Variants in NEIL3 observed in about 807,000 individuals in gnomAD.
NEIL3 encodes nei like DNA glycosylase 3.
Under a neutral mutation model 57.5 loss-of-function variants are expected in NEIL3, and 48 were observed. That is an observed-to-expected ratio of 0.83 (90% confidence interval 0.66 to 1.06). The LOEUF (loss-of-function observed/expected upper bound fraction) is 1.06, where lower values mean the gene tolerates loss of function less well. NEIL3 is among the 50% of genes least tolerant of loss of function. The pLI, the probability that NEIL3 is intolerant of heterozygous loss-of-function variation, is 0.00. For missense variants in NEIL3, 717 were observed against 739.1 expected, an observed-to-expected ratio of 0.97 and a Z score of 0.35; for synonymous variants, 261 against 253.2, an observed-to-expected ratio of 1.03 and a Z score of -0.29.
At chr4:177,310,353 A>G (rs1337141639) in intron 1 of NEIL3, among the ~76,000 whole-genome samples, 1 of 152,228 alleles carries the variant, frequency 6.6e-6, no homozygotes, top group Non-Finnish European at 1.5e-5. Flanking sequence ...AGGGGAATCC[A>G]GTGAAGGTGT....
chr4:177,337,414 C>A (rs1385841282), intron 4 of NEIL3, among the ~76,000 whole-genome samples: 1 of 151,936 alleles, frequency 6.6e-6, no homozygotes, highest in African/African-American at 2.4e-5. Context: ...ATACCCAAAT[C>A]AGTAGGAATG....
intron 4 of NEIL3, among the ~76,000 whole-genome samples, chr4:177,339,464 AC>A (rs1191837790): frequency 6.6e-6 from 1 of 152,166 alleles, no homozygotes; most frequent in Non-Finnish European, 1.5e-5. Context: ...CTCTAAAAAA[AC>A]AGAAGAATAT....
Position 177,310,057 on chromosome 4 carries a change from T to C in NEIL3, c.104T>C (p.Leu35Pro). The change falls in exon 1 of 10, where the codon CTG becomes CCG. Residue 35 changes from leucine (L) to proline (P), a missense_variant. By Grantham distance (98) the Leu-to-Pro change is moderately conservative. Transcript: ENST00000264596. Reference sequence around the variant, plus strand: ...GTGCGGGGAAGCGCTCTGCGGAGTCTGCAGGGCCGCGCCTTGCGGCTCGCA... The same window carrying C: ...GTGCGGGGAAGCGCTCTGCGGAGTCCGCAGGGCCGCGCCTTGCGGCTCGCA... ...TGVRGSALRS[L>P]QGRALRLAAS... 6.2e-7 allele frequency: 1 copy of C among 1,604,194 alleles called. No homozygotes were observed. The highest frequency in any genetic ancestry group is 8.5e-7 in the Non-Finnish European group (1 of 1,176,116).
chr4:177,337,093 C>CA (rs3840269), intron 4 of NEIL3, among the ~76,000 whole-genome samples: 433 of 126,932 alleles, frequency 3.4e-3, no homozygotes, highest in African/African-American at 5.2e-3. Context: ...TTATATGTTG[C>CA]AAAAAAAAAA....
At position 177,362,338 on chromosome 4, in the gene NEIL3, T is replaced by C. The variant is rs144244076; in HGVS notation, c.1685T>C (p.Met562Thr). Residue 562 changes from methionine (M) to threonine (T), a missense_variant, in exon 10 of 10, where the codon ATG (methionine) becomes ACG (threonine). Transcript: ENST00000264596. ...TGCAACCATGGCAAGCGTTCCACCA[T>C]GAAAACAGTATTGAAGATTGGACCT... ...PFCNHGKRST[M>T]KTVLKIGPNN... 9.5e-5 allele frequency: 154 copies of C among 1,612,744 alleles called. 1 individual carries two copies. Among genetic ancestry groups the C allele is most frequent in the South Asian group, 1.1e-4 (10 of 90,696 alleles).
At position 177,329,773 on chromosome 4, in the gene NEIL3, G is replaced by A. The variant is rs1388294517; in HGVS notation, c.279-5915G>A. Among the ~76,000 whole-genome samples, 4 of 152,164 alleles carry A rather than the reference G, an allele frequency of 2.6e-5. No individual in the cohort carries two copies. In the East Asian group the frequency reaches 7.7e-4, roughly 29 times the overall value. On this transcript the variant is annotated intron_variant, in intron 2 of 9. Coordinates refer to ENST00000264596, the MANE Select transcript of NEIL3 (RefSeq NM_018248.3). ...AACAACACATGCTTTTCAAGTGCAT[G>A]TGGAACACTTAGCAAGATTGACCAG...
At chr4:177,345,865 A>AT (rs1260745498) in intron 6 of NEIL3, among the ~76,000 whole-genome samples, 1 of 150,242 alleles carries the variant, frequency 6.7e-6, no homozygotes, top group Non-Finnish European at 1.5e-5. Context: ...AATTTTTTGT[A>AT]TTTTCAGTAG....
intron 1 of NEIL3, among the ~76,000 whole-genome samples, chr4:177,319,181 G>A (rs1734629140): frequency 6.6e-6 from 1 of 152,200 alleles, no homozygotes; most frequent in South Asian, 2.1e-4. Flanking sequence ...TGTTGTGACA[G>A]CACTGTCTAT....
At chr4:177,353,957 G>C (rs1239848604) in intron 8 of NEIL3, 2 of 441,740 alleles carry the variant, frequency 4.5e-6, no homozygotes, top group Non-Finnish European at 4.0e-6. Flanking sequence ...GTAGAGACGG[G>C]GTTTCACCAT....
In NEIL3 at chr4:177,335,817, A is replaced by G. The variant is rs754266076; in HGVS notation, c.408A>G (p.Glu136=). ...DLICFFDSSV[E]LRNSMESQQR... is the part of the protein sequence containing the mutation. ...TTTGTTTCTTTGACTCATCAGTAGA[A>G]CTCAGGTAAAAAAAATTAAATAAAA... Residue 136 remains glutamate, a synonymous_variant, in exon 3 of 10, where the codon GAA becomes GAG. Coordinates refer to ENST00000264596, the MANE Select transcript of NEIL3 (RefSeq NM_018248.3). 44 of 1,539,240 alleles carry G rather than the reference A, an allele frequency of 2.9e-5. No homozygotes were observed. Among genetic ancestry groups the G allele is most frequent in the Admixed American group, 4.5e-5 (2 of 44,182 alleles).
chr4:177,327,423 T>TA (rs1160085193), intron 2 of NEIL3, among the ~76,000 whole-genome samples: 1 of 152,102 alleles, frequency 6.6e-6, no homozygotes, highest in African/African-American at 2.4e-5. Flanking sequence ...ATGACTTTTT[T>TA]AAAAAAAATT....
At chr4:177,313,159 T>A (rs1306057672) in intron 1 of NEIL3, among the ~76,000 whole-genome samples, 1 of 152,230 alleles carries the variant, frequency 6.6e-6, no homozygotes, top group Non-Finnish European at 1.5e-5. Flanking sequence ...AAGTTACTAA[T>A]GAGAGCTAAA....
At chr4:177,312,935 A>G (rs962373507) in intron 1 of NEIL3, among the ~76,000 whole-genome samples, 2 of 152,182 alleles carry the variant, frequency 1.3e-5, no homozygotes, top group African/African-American at 2.4e-5. Flanking sequence ...GATCCATAGT[A>G]AATTTCATTA....
At chr4:177,310,534 G>A (rs17064592) in intron 1 of NEIL3, among the ~76,000 whole-genome samples, 3,729 of 152,192 alleles carry the variant, frequency 0.025, 149 homozygotes, top group African/African-American at 0.082. Context: ...TGGCTAATCT[G>A]CAATTGGTAA....
intron 2 of NEIL3, 131 bp downstream of exon 2, chr4:177,322,711 G>A (rs1734710963): frequency 7.1e-6 from 7 of 987,548 alleles, no homozygotes; most frequent in Non-Finnish European, 1.1e-5. Context: ...TCCAATATGA[G>A]AGGTTGTGAT....
chr4:177,363,136 G>T (rs1490064282), downstream of NEIL3, among the ~76,000 whole-genome samples: 3 of 151,984 alleles, frequency 2.0e-5, no homozygotes, highest in Admixed American at 2.0e-4. Context: ...TTTTTCTAAC[G>T]CCCTCTCCCC....
intron 5 of NEIL3, 25 bp downstream of exon 5, chr4:177,339,882 G>A (rs758221961): frequency 9.9e-6 from 13 of 1,315,208 alleles, no homozygotes; most frequent in Non-Finnish European, 1.4e-5. Context: ...TTTCAACTGT[G>A]TAAAATGTAA....
chr4:177,323,488 G>A (rs2111118561), intron 2 of NEIL3, among the ~76,000 whole-genome samples: 1 of 152,178 alleles, frequency 6.6e-6, no homozygotes, highest in South Asian at 2.1e-4. Context: ...AGTAATCCAG[G>A]GTTTATGTAA....
intron 9 of NEIL3, 72 bp from the exon 10 acceptor site, chr4:177,362,217 T>C: frequency 1.7e-6 from 2 of 1,186,400 alleles, no homozygotes; most frequent in South Asian, 1.7e-5. Flanking sequence ...ACTAATCACA[T>C]GTGCCTAGGG....
Sources: gnomAD v4.1 joint callset for allele counts (sites outside exome capture counted in the v4.1 genomes callset) on GRCh38, gnomAD v4.1.1 for gene constraint, MANE v1.5 for transcripts, NCBI Gene and HGNC (gene_info 2026-07-23, HGNC 2026-07-21) for gene names.